KANK4: variants seen among roughly 807,000 people sequenced by gnomAD.
KANK4 encodes KN motif and ankyrin repeat domains 4.
In KANK4, 50 loss-of-function variants were observed where a neutral mutation model predicts 80.8. That is an observed-to-expected ratio of 0.62 (90% CI 0.49 to 0.78). The LOEUF is 0.78. KANK4 is among the 30% of genes least tolerant of loss of function. The pLI, the probability that KANK4 is intolerant of heterozygous loss-of-function variation, is 0.00. For missense variants in KANK4, 1,196 were observed against 1,240.1 expected, an observed-to-expected ratio of 0.96 and a Z score of 0.53; for synonymous variants, 465 against 506.9, an observed-to-expected ratio of 0.92 and a Z score of 1.11.
intron 1 of KANK4, among the ~76,000 whole-genome samples, chr1:62,285,580 A>T (rs1024142534): frequency 1.3e-5 from 2 of 152,180 alleles, no homozygotes; most frequent in Non-Finnish European, 2.9e-5. Context: ...GTGGTATTTC[A>T]TCCCAGAGCA....
intron 1 of KANK4, among the ~76,000 whole-genome samples, chr1:62,309,446 T>A (rs1644480381): frequency 6.6e-6 from 1 of 152,054 alleles, no homozygotes; most frequent in Non-Finnish European, 1.5e-5. Flanking sequence ...GCTCAATAAA[T>A]CCTCGACACA....
At chr1:62,292,438 A>G (rs1672698251) in intron 1 of KANK4, among the ~76,000 whole-genome samples, 1 of 152,198 alleles carries the variant, frequency 6.6e-6, no homozygotes, top group Non-Finnish European at 1.5e-5. Flanking sequence ...TGACTAGACC[A>G]GTATTTCCCC....
chr1:62,316,823 A>G (rs1644545355), intron 1 of KANK4, among the ~76,000 whole-genome samples: 1 of 152,176 alleles, frequency 6.6e-6, no homozygotes, highest in Non-Finnish European at 1.5e-5. Context: ...AGGTACTTGG[A>G]GAGCCCTGTT....
chr1:62,266,030 G>C (rs1337725916), intron 6 of KANK4, among the ~76,000 whole-genome samples: 1 of 152,198 alleles, frequency 6.6e-6, no homozygotes, highest in Non-Finnish European at 1.5e-5. Context: ...CCTGGGAATA[G>C]AACCTTCAGT....
chr1:62,248,735 G>A (rs1030049546), intron 8 of KANK4, among the ~76,000 whole-genome samples: 4 of 151,398 alleles, frequency 2.6e-5, no homozygotes, highest in African/African-American at 9.7e-5. Flanking sequence ...ATTAGAGACA[G>A]GCTTTCCCCA....
chr1:62,269,752 T>C (rs1398733322), intron 4 of KANK4, among the ~76,000 whole-genome samples: 1 of 151,964 alleles, frequency 6.6e-6, no homozygotes, highest in South Asian at 2.1e-4. Context: ...AAACAAATAT[T>C]ATATTTAGGT....
At chr1:62,263,042 C>T (rs1166157860) in intron 7 of KANK4, 50 bp downstream of exon 7, 1 of 1,408,696 alleles carries the variant, frequency 7.1e-7, no homozygotes. Context: ...TAAAAATTGC[C>T]CTGCTCTTCA....
intron 1 of KANK4, 40 bp from the exon 2 acceptor site, chr1:62,281,674 G>C: frequency 8.1e-7 from 1 of 1,238,644 alleles, no homozygotes; most frequent in African/African-American, 1.5e-5. Context: ...AGTCTCATTA[G>C]CGTTTGAATA....
chr1:62,274,321 T>TAGAACTACA lies in KANK4; in HGVS notation c.774_782dup (p.Val259_Leu261dup). On this transcript the variant is annotated inframe_insertion, in exon 3 of 10. Transcript: ENST00000371153. ...CATTGTGTTCATCTTCCTTGTCCTC[T>TAGAACTACA]AGAACTACAAGCACATTCTGGAATG... 6.2e-7 allele frequency: 1 copy of TAGAACTACA among 1,614,160 alleles called. No individual in the cohort carries two copies. The highest frequency in any genetic ancestry group is 8.5e-7 in the Non-Finnish European group (1 of 1,180,028).
rs757655016 is a variant in KANK4 at position 62,273,657 on chromosome 1, G to A, written c.1447C>T (p.Pro483Ser). ...LLPQLSLPQG[P>S]EQVLTSSVHS... is the part of the protein sequence containing the mutation. ...ACAGAGGAGGTAAGGACCTGCTCGGGTCCCTGTGGCAGTGACAGCTGGGGC... is the reference window on the plus strand; with the variant it reads ...ACAGAGGAGGTAAGGACCTGCTCGGATCCCTGTGGCAGTGACAGCTGGGGC... Residue 483 changes from proline to serine, a missense_variant, in exon 3 of 10, where the codon CCC (proline) becomes TCC (serine). Physicochemically the swap from Pro to Ser is moderately conservative, Grantham distance 74. Coordinates refer to ENST00000371153, the MANE Select transcript of KANK4 (RefSeq NM_181712.5). 4 of 1,614,006 alleles carry A rather than the reference G, an allele frequency of 2.5e-6. No homozygotes were observed. The highest frequency in any genetic ancestry group is 2.7e-5 in the African/African-American group (2 of 74,912).
chr1:62,239,066 CTTT>C (rs373105020), intron 9 of KANK4, among the ~76,000 whole-genome samples: 5 of 140,802 alleles, frequency 3.6e-5, no homozygotes, highest in South Asian at 2.3e-4. Flanking sequence ...GTTGTTGGTT[CTTT>C]TTTTTTTTTT....
At chr1:62,254,055 C>T (rs1161914014) in intron 7 of KANK4, among the ~76,000 whole-genome samples, 1 of 152,118 alleles carries the variant, frequency 6.6e-6, no homozygotes, top group Admixed American at 6.6e-5. Flanking sequence ...TTTGTAGGTC[C>T]TTTCCAAGGG....
intron 1 of KANK4, among the ~76,000 whole-genome samples, chr1:62,317,923 C>G (rs1444461365): frequency 1.3e-5 from 2 of 152,172 alleles, no homozygotes; most frequent in Non-Finnish European, 2.9e-5. Flanking sequence ...GATCCCCGAG[C>G]CATTCCCCAA....
Position 62,268,473 on chromosome 1 carries a change from C to A in KANK4, c.2045G>T (p.Gly682Val), listed in dbSNP as rs768438819. ...YETTSSEETS[G>V]EDSTPEDLSD... ...CAAGTCCTCTGGGGTGCTGTCCTCA[C>A]CGCTGGTCTCCTCACTTGAGGTGGT... Residue 682 changes from glycine (G) to valine (V), a missense_variant, in exon 5 of 10, where the codon GGT becomes GTT. Gly to Val is a moderately radical substitution (Grantham distance 109, BLOSUM62 -3). Around this residue, in one of 3 missense-constraint regions of KANK4, gnomAD observed 1,154 missense variants for 1,179.6 expected, o/e 0.98. Coordinates refer to ENST00000371153, the MANE Select transcript of KANK4 (RefSeq NM_181712.5). 7.4e-6 allele frequency: 12 copies of A among 1,613,802 alleles called. No individual in the cohort carries two copies. The highest frequency in any genetic ancestry group is 9.3e-6 in the Non-Finnish European group (11 of 1,180,010).
At chr1:62,276,313 G>C (rs1672313819) in intron 2 of KANK4, among the ~76,000 whole-genome samples, 1 of 152,152 alleles carries the variant, frequency 6.6e-6, no homozygotes, top group Non-Finnish European at 1.5e-5. Context: ...TGCTAAACAG[G>C]CTCTGAAAAT....
intron 1 of KANK4, among the ~76,000 whole-genome samples, chr1:62,284,511 G>T (rs921552469): frequency 3.3e-5 from 5 of 152,130 alleles, no homozygotes; most frequent in Admixed American, 1.3e-4. Context: ...TAGAGATGGG[G>T]TTTCACTATG....
At chr1:62,314,382 G>T (rs927095801) in intron 1 of KANK4, among the ~76,000 whole-genome samples, 1 of 152,098 alleles carries the variant, frequency 6.6e-6, no homozygotes. Context: ...AGGGAGAGCG[G>T]GGTGGGAAAC....
chr1:62,301,271 A>G (rs1644409630), intron 1 of KANK4, among the ~76,000 whole-genome samples: 1 of 152,062 alleles, frequency 6.6e-6, no homozygotes, highest in African/African-American at 2.4e-5. Context: ...AAACATATGC[A>G]CTATGTGGAA....
At chr1:62,317,752 G>A (rs1644554015) in intron 1 of KANK4, among the ~76,000 whole-genome samples, 1 of 152,180 alleles carries the variant, frequency 6.6e-6, no homozygotes, top group Non-Finnish European at 1.5e-5. Flanking sequence ...CTCAGCACTG[G>A]AGAATTCTCT....
Sources: allele counts gnomAD v4.1 joint callset (sites outside exome capture counted in the v4.1 genomes callset), GRCh38; gene constraint gnomAD v4.1.1; regional missense constraint gnomAD v4.1.1; transcripts MANE v1.5; gene names NCBI Gene and HGNC (gene_info 2026-07-23, HGNC 2026-07-21).